Variants in EPCAM observed in about 807,000 individuals in gnomAD.
EPCAM encodes the protein adenocarcinoma-associated antigen.
EPCAM carries 39 observed loss-of-function variants against 40.0 expected under a neutral mutation model. That is an observed-to-expected ratio of 0.98 (90% CI 0.76 to 1.27). The LOEUF is 1.27. EPCAM is among the 50% of genes most tolerant of loss of function. The pLI is 0.00. For missense variants in EPCAM, 503 were observed against 381.2 expected (o/e 1.32, Z -2.66); for synonymous variants, 168 against 132.3 (o/e 1.27, Z -1.85).
At chr2:47,372,401 G>T (rs1671293960) in intron 1 of EPCAM, among the ~76,000 whole-genome samples, 1 of 152,022 alleles carries the variant, frequency 6.6e-6, no homozygotes, top group African/African-American at 2.4e-5. Flanking sequence ...ACTTTAGGAG[G>T]CCGAGGTGGG....
chr2:47,378,299 CTTTT>C (rs70940676), intron 5 of EPCAM, among the ~76,000 whole-genome samples: 2 of 118,678 alleles, frequency 1.7e-5, no homozygotes, highest in Admixed American at 1.7e-4. Flanking sequence ...TTTTTCTTTT[CTTTT>C]TTTTTTTTTT....
Position 47,373,604 on chromosome 2 carries a change from A to G in EPCAM, c.184+34A>G, listed in dbSNP as rs1463221586. Reference sequence around the variant, plus strand: ...AATATCCTAATTACCTGTAAGCTTTATTTTGACTTAATACTTCTTTAATTG... The same window carrying G: ...AATATCCTAATTACCTGTAAGCTTTGTTTTGACTTAATACTTCTTTAATTG... On this transcript the variant is annotated intron_variant, in intron 2 of 8. Transcript: ENST00000263735. 8 of 1,531,664 alleles carry G rather than the reference A, an allele frequency of 5.2e-6. No homozygotes were observed. The South Asian group carries it at 7.9e-5, about 15-fold the overall frequency. The allele number at this position is 1,531,664 out of a possible 1,614,324, so 94.9% of individuals were successfully genotyped here.
At chr2:47,374,188 C>A in intron 3 of EPCAM, 140 bp downstream of exon 3, 1 of 978,230 alleles carries the variant, frequency 1.0e-6, no homozygotes, top group Non-Finnish European at 1.6e-6. Flanking sequence ...CTTCTCATTC[C>A]AGTCCCCCTC....
Position 47,386,746 on chromosome 2 carries a change from AAC to A in EPCAM, c.*134_*135del, listed in dbSNP as rs1671752215. On this transcript the variant is annotated 3_prime_UTR_variant, in exon 9 of 9. Coordinates refer to ENST00000263735, the MANE Select transcript of EPCAM (RefSeq NM_002354.3). The stretch of plus-strand genomic sequence containing the variant: ...TAACATCATATATTTGTAATAGTGA[AAC>A]CTGTACTCAAAATATAAGCAGCTTG... The A allele has an allele frequency of 4.3e-6, 3 of 691,188 alleles. No individual in the cohort carries two copies. Among genetic ancestry groups the A allele is most frequent in the Non-Finnish European group, 7.5e-6 (3 of 398,066 alleles). 42.8% of individuals were successfully genotyped at this position (691,188 alleles called of 1,614,324 possible).
chr2:47,386,950 C>G lies in EPCAM; in HGVS notation c.*337C>G, dbSNP rs543078566. The G allele has an allele frequency of 5.0e-5, 13 of 259,750 alleles. No homozygotes were observed. The East Asian group carries it at 6.2e-4, about 12-fold the overall frequency. 16.1% of individuals were successfully genotyped at this position (259,750 alleles called of 1,614,324 possible). ...AAACTGATTTGTGATTGAAAGCTGC[C>G]TTTCTATTTACTTGAGTCTTGTACA... On this transcript the variant is annotated 3_prime_UTR_variant, in exon 9 of 9. Transcript: ENST00000263735.
At position 47,379,841 on chromosome 2, in the gene EPCAM, C is replaced by T. The variant is rs755757555; in HGVS notation, c.730C>T (p.Pro244Ser). 3 of 1,614,014 alleles carry T rather than the reference C, an allele frequency of 1.9e-6. No individual in the cohort carries two copies. Among genetic ancestry groups the T allele is most frequent in the African/African-American group, 1.3e-5 (1 of 74,988 alleles). The change falls in exon 7 of 9, where the codon CCT becomes TCT. Residue 244 changes from proline to serine, a missense_variant. Pro to Ser is a moderately conservative substitution (Grantham distance 74). Transcript: ENST00000263735. ...TVNGEQLDLDPGQTLIYYVDE... is the reference protein window; with the variant it reads ...TVNGEQLDLDSGQTLIYYVDE... ...AAATGGGGAACAACTGGATCTGGAT[C>T]CTGGTCAAACTTTAATTTATTATGT...
In EPCAM at chr2:47,369,466, C is replaced by G; in HGVS notation, c.-40C>G. 1.4e-6 allele frequency: 2 copies of G among 1,447,444 alleles called. No homozygotes were observed. Among genetic ancestry groups the G allele is most frequent in the South Asian group, 2.7e-5 (2 of 74,850 alleles). The allele number at this position is 1,447,444 out of a possible 1,614,324, so 89.7% of individuals were successfully genotyped here. On this transcript the variant is annotated 5_prime_UTR_variant, in exon 1 of 9. Transcript: ENST00000263735. ...CCGGCGCACGCCCTCCCGCGAGTCCCGGGCCCCTCCCGCGCCCCTCTTCTC... is the reference window on the plus strand; with the variant it reads ...CCGGCGCACGCCCTCCCGCGAGTCCGGGGCCCCTCCCGCGCCCCTCTTCTC...
intron 8 of EPCAM, among the ~76,000 whole-genome samples, chr2:47,386,138 A>G (rs2103770071): frequency 6.6e-6 from 1 of 152,324 alleles, no homozygotes; most frequent in South Asian, 2.1e-4. Context: ...AATATTTGTC[A>G]ACAGAGTGGT....
At chr2:47,384,686 G>A (rs114067131) in intron 7 of EPCAM, among the ~76,000 whole-genome samples, 2,844 of 151,710 alleles carry the variant, frequency 0.019, 79 homozygotes, top group African/African-American at 0.063. Context: ...ACAAAGTACC[G>A]GTGAGCCACC....
At position 47,374,729 on chromosome 2, in the gene EPCAM, T is replaced by C. The variant is rs193144973; in HGVS notation, c.426-505T>C. On this transcript the variant is annotated intron_variant, in intron 3 of 8. Coordinates refer to ENST00000263735, the MANE Select transcript of EPCAM (RefSeq NM_002354.3). ...CACAATCTCAGCTCACTGCAACCTCTGCCTCCCGGGTTCAAGCAACTCTCC... is the reference window on the plus strand; with the variant it reads ...CACAATCTCAGCTCACTGCAACCTCCGCCTCCCGGGTTCAAGCAACTCTCC... Among the ~76,000 whole-genome samples, 76 of 152,154 alleles carry C rather than the reference T, an allele frequency of 5.0e-4. 1 individual carries two copies. In the East Asian group the frequency reaches 0.012, roughly 25 times the overall value.
At chr2:47,370,926 T>C (rs972774635) in intron 1 of EPCAM, among the ~76,000 whole-genome samples, 16 of 152,202 alleles carry the variant, frequency 1.1e-4, no homozygotes, top group Admixed American at 2.6e-4. Flanking sequence ...TTGGCCAGGC[T>C]GGTCTCGAAC....
chr2:47,373,213 A>C lies in EPCAM; in HGVS notation c.77-250A>C, dbSNP rs1474305884. On this transcript the variant is annotated intron_variant, in intron 1 of 8. Transcript: ENST00000263735. Reference sequence around the variant, plus strand: ...GAGTGAGACCCTATCTTTAAAAAAAAAAAAAAAAAAAAAAAAAAAAAACAG... The same window carrying C: ...GAGTGAGACCCTATCTTTAAAAAAACAAAAAAAAAAAAAAAAAAAAAACAG... Among the ~76,000 whole-genome samples, 126 of 142,686 alleles carry C rather than the reference A, an allele frequency of 8.8e-4. 2 individuals are homozygous for C. The highest frequency in any genetic ancestry group is 4.4e-3 in the East Asian group (22 of 5,054). 93.6% of individuals were successfully genotyped at this position (142,686 alleles called of 152,430 possible).
rs1161586875 is a variant in EPCAM, at chr2:47,369,456, C to T, written c.-50C>T. The T allele has an allele frequency of 1.5e-6, 2 of 1,374,200 alleles. No individual in the cohort carries two copies. The highest frequency in any genetic ancestry group is 3.2e-5 in the Admixed American group (1 of 31,124). The allele number at this position is 1,374,200 out of a possible 1,614,324, so 85.1% of individuals were successfully genotyped here. On this transcript the variant is annotated 5_prime_UTR_variant, in exon 1 of 9. Transcript: ENST00000263735. Reference sequence around the variant, plus strand: ...TGTCCCACTCCCGGCGCACGCCCTCCCGCGAGTCCCGGGCCCCTCCCGCGC... The same window carrying T: ...TGTCCCACTCCCGGCGCACGCCCTCTCGCGAGTCCCGGGCCCCTCCCGCGC...
chr2:47,375,741 T>C (rs1282684415), intron 4 of EPCAM, among the ~76,000 whole-genome samples: 7 of 151,272 alleles, frequency 4.6e-5, no homozygotes, highest in Admixed American at 4.0e-4. Flanking sequence ...AGTCTCGCTC[T>C]GTCACCCAGG....
At chr2:47,373,235 A>AC (rs1671328138) in intron 1 of EPCAM, among the ~76,000 whole-genome samples, 1 of 146,062 alleles carries the variant, frequency 6.8e-6, no homozygotes, top group Admixed American at 6.9e-5. Flanking sequence ...AAAAAAAAAA[A>AC]CAGGAATGCA....
In EPCAM at chr2:47,379,897, G is replaced by A. The variant is rs2103759221; in HGVS notation, c.786G>A (p.Gln262=). 3 of 1,614,162 alleles carry A rather than the reference G, an allele frequency of 1.9e-6. No individual in the cohort carries two copies. The highest frequency in any genetic ancestry group is 2.5e-6 in the Non-Finnish European group (3 of 1,180,034). ...VDEKAPEFSM[Q]GLKAGVIAVI... ...AAAAAGCACCTGAATTCTCAATGCAGGGTCTAAAAGCTGGTGTTATTGCTG... is the reference window on the plus strand; with the variant it reads ...AAAAAGCACCTGAATTCTCAATGCAAGGTCTAAAAGCTGGTGTTATTGCTG... Residue 262 remains glutamine, a synonymous_variant, in exon 7 of 9, where the codon CAG becomes CAA. Coordinates refer to ENST00000263735, the MANE Select transcript of EPCAM (RefSeq NM_002354.3).
At chr2:47,381,275 A>T (rs949141929) in intron 7 of EPCAM, among the ~76,000 whole-genome samples, 6 of 150,810 alleles carry the variant, frequency 4.0e-5, no homozygotes, top group Non-Finnish European at 5.9e-5. Context: ...TCATGCCTGT[A>T]ATCCCAGCTA....
rs1671150216 is a variant in EPCAM, at chr2:47,369,329, G to A, written c.-177G>A. 15 of 1,324,310 alleles carry A rather than the reference G, an allele frequency of 1.1e-5. No individual in the cohort carries two copies. Among genetic ancestry groups the A allele is most frequent in the Non-Finnish European group, 1.5e-5 (15 of 1,015,866 alleles). The allele number at this position is 1,324,310 out of a possible 1,614,324, so 82.0% of individuals were successfully genotyped here. ...CGCGCGCACAGAGCGCTAGTCCTTC[G>A]GCGAGCGAGCACCTTCGACGCGGTC... On this transcript the variant is annotated 5_prime_UTR_variant, in exon 1 of 9. Transcript: ENST00000263735.
intron 7 of EPCAM, among the ~76,000 whole-genome samples, chr2:47,380,823 T>C (rs1417696322): frequency 6.6e-6 from 1 of 152,106 alleles, no homozygotes; most frequent in Non-Finnish European, 1.5e-5. Flanking sequence ...GTGTGATGGC[T>C]CAGGCCTGTA....
Sources: allele counts gnomAD v4.1 joint callset (sites outside exome capture counted in the v4.1 genomes callset), GRCh38; gene constraint gnomAD v4.1.1; transcripts MANE v1.5; gene names NCBI Gene and HGNC (gene_info 2026-07-23, HGNC 2026-07-21).